Variants in NAV3 observed in about 807,000 individuals in gnomAD.
The protein encoded by NAV3 is neuron navigator 3, also known as pore membrane and/or filament interacting like protein 1.
Under a neutral mutation model 244.7 loss-of-function variants are expected in NAV3, and 87 were observed. The observed-to-expected ratio is 0.36, with a 90% CI of 0.30 to 0.42. NAV3 has a LOEUF of 0.42. Among genes scored for constraint, NAV3 ranks in the 20% least tolerant of loss-of-function variants. NAV3 has a pLI of 1.00. For missense variants in NAV3, 2,663 were observed against 2,893.3 expected (o/e 0.92, Z 1.83); for synonymous variants, 1,126 against 1,042.2 (o/e 1.08, Z -1.55).
chr12:78,007,900 G>A (rs757834598), intron 8 of NAV3, among the ~76,000 whole-genome samples: 4 of 152,054 alleles, frequency 2.6e-5, no homozygotes, highest in South Asian at 4.1e-4. Flanking sequence ...ATAAAGTTGC[G>A]GATTTCATTC....
intron 12 of NAV3, among the ~76,000 whole-genome samples, chr12:78,095,711 A>C (rs1954215266): frequency 6.6e-6 from 1 of 152,148 alleles, no homozygotes. Flanking sequence ...GATCCAGTTG[A>C]GCTTGTTGGC....
At chr12:77,677,085 A>G (rs1262508536) in intron 2 of NAV3, among the ~76,000 whole-genome samples, 1 of 152,224 alleles carries the variant, frequency 6.6e-6, no homozygotes, top group Non-Finnish European at 1.5e-5. Context: ...CTCATGATCC[A>G]TTTATCTCTT....
At chr12:78,177,998 T>G (rs556610116) in intron 28 of NAV3, among the ~76,000 whole-genome samples, 104 of 107,896 alleles carry the variant, frequency 9.6e-4, no homozygotes, top group Non-Finnish European at 1.9e-3. Context: ...CCAAGCCCTA[T>G]GTATATTATG....
At chr12:77,787,746 C>A (rs1490753836) in intron 2 of NAV3, among the ~76,000 whole-genome samples, 1 of 152,276 alleles carries the variant, frequency 6.6e-6, no homozygotes, top group South Asian at 2.1e-4. Context: ...CAAACCATAT[C>A]ATGGGGAAAA....
At position 77,689,998 on chromosome 12, in the gene NAV3, G is replaced by T. The variant is rs574687656; in HGVS notation, c.72+117732G>T. On this transcript the variant is annotated intron_variant, in intron 2 of 8. Transcript: ENST00000550042. ...GGAGTTTTTTCCATTTTTCATTCTG[G>T]AATGAAATGGAATAATTACCAACAT... 5.9e-5 allele frequency among the ~76,000 whole-genome samples: 9 copies of T among 151,702 alleles called. No homozygotes were observed. The South Asian group carries it at 1.9e-3, about 31-fold the overall frequency.
At chr12:77,712,814 A>T (rs1002890430) in intron 2 of NAV3, among the ~76,000 whole-genome samples, 1 of 152,358 alleles carries the variant, frequency 6.6e-6, no homozygotes, top group East Asian at 1.9e-4. Flanking sequence ...TCATACAAAC[A>T]AATGACTCTT....
intron 1 of NAV3, among the ~76,000 whole-genome samples, chr12:77,834,569 C>A (rs1346612673): frequency 2.0e-5 from 3 of 152,160 alleles, no homozygotes; most frequent in African/African-American, 7.2e-5. Flanking sequence ...CTCTGCTGAC[C>A]ATGGCTATCT....
At chr12:77,804,353 G>C (rs779082687) in intron 2 of NAV3, among the ~76,000 whole-genome samples, 5 of 152,066 alleles carry the variant, frequency 3.3e-5, no homozygotes, top group Non-Finnish European at 7.4e-5. Flanking sequence ...ATTTGTATAA[G>C]GTGTATAAGG....
At chr12:77,750,147 A>G (rs1868769435) in intron 2 of NAV3, among the ~76,000 whole-genome samples, 2 of 152,146 alleles carry the variant, frequency 1.3e-5, no homozygotes. Flanking sequence ...AGGTCAGGAG[A>G]TCAAGACCAT....
At chr12:77,690,823 C>A (rs1874976767) in intron 2 of NAV3, among the ~76,000 whole-genome samples, 1 of 2,696 alleles carries the variant, frequency 3.7e-4, no homozygotes, top group African/African-American at 2.2e-3. Context: ...CAAAAACTGC[C>A]TCTTTTCTCT....
In NAV3 at chr12:78,212,694, A is replaced by T. The variant is rs1005230622; in HGVS notation, c.*2177A>T. ...AGAATTTCCTGCAATACATCCCAGT[A>T]GGTCCACCTAGTTTACAACTTAAAC... On this transcript the variant is annotated 3_prime_UTR_variant, in exon 40 of 40. Transcript: ENST00000397909. The T allele has an allele frequency of 3.0e-4, 46 of 152,668 alleles. No individual in the cohort carries two copies. Among genetic ancestry groups the T allele is most frequent in the African/African-American group, 1.1e-3 (44 of 41,466 alleles). The allele number at this position is 152,668 out of a possible 1,614,324, so 9.5% of individuals were successfully genotyped here.
At chr12:77,949,158 T>G (rs952833595) in intron 3 of NAV3, among the ~76,000 whole-genome samples, 2 of 152,010 alleles carry the variant, frequency 1.3e-5, no homozygotes, top group Non-Finnish European at 2.9e-5. Flanking sequence ...TAACAAGAAA[T>G]ACTGGGAAAT....
At chr12:77,677,933 AT>A (rs144169370) in intron 2 of NAV3, among the ~76,000 whole-genome samples, 2 of 151,890 alleles carry the variant, frequency 1.3e-5, no homozygotes, top group Non-Finnish European at 2.9e-5. Flanking sequence ...TAGTAAATAG[AT>A]TTTTTTTCAC....
At chr12:77,934,884 C>T (rs1889178266) in intron 1 of NAV3, among the ~76,000 whole-genome samples, 1 of 152,098 alleles carries the variant, frequency 6.6e-6, no homozygotes, top group African/African-American at 2.4e-5. Flanking sequence ...TTTTTAAATC[C>T]TCTGATTATA....
intron 8 of NAV3, among the ~76,000 whole-genome samples, chr12:78,014,712 T>C (rs1875882327): frequency 6.6e-6 from 1 of 152,146 alleles, no homozygotes; most frequent in African/African-American, 2.4e-5. Context: ...TTTGGCTTAT[T>C]TGTCGAGCTA....
At chr12:77,820,364 C>A (rs1036747920) in intron 2 of NAV3, among the ~76,000 whole-genome samples, 1 of 152,088 alleles carries the variant, frequency 6.6e-6, no homozygotes, top group Admixed American at 6.6e-5. Context: ...GCACTGACAT[C>A]TGGTGAGGGT....
At chr12:77,587,487 G>C (rs938039910) in intron 2 of NAV3, among the ~76,000 whole-genome samples, 34 of 152,052 alleles carry the variant, frequency 2.2e-4, no homozygotes, top group African/African-American at 7.2e-4. Context: ...CATATGTTTC[G>C]TAAGCTCTTT....
At chr12:78,195,519 C>A (rs996670594) in intron 34 of NAV3, among the ~76,000 whole-genome samples, 2 of 152,008 alleles carry the variant, frequency 1.3e-5, no homozygotes, top group Non-Finnish European at 2.9e-5. Flanking sequence ...ACCAGCTTCT[C>A]TGCTTATCAA....
intron 1 of NAV3, among the ~76,000 whole-genome samples, chr12:77,863,505 A>C (rs991555432): frequency 1.6e-4 from 24 of 151,916 alleles, no homozygotes; most frequent in Non-Finnish European, 2.1e-4. Flanking sequence ...AAAACAAATA[A>C]AATTCTCCTA....
Sources: allele counts gnomAD v4.1 joint callset (sites outside exome capture counted in the v4.1 genomes callset), GRCh38; gene constraint gnomAD v4.1.1; transcripts MANE v1.5; gene names NCBI Gene and HGNC (gene_info 2026-07-23, HGNC 2026-07-21).